Variants in RC3H2 observed in about 807,000 individuals in gnomAD.
RC3H2 encodes roquin-2.
In RC3H2, 31 loss-of-function variants were observed where a neutral mutation model predicts 133.3. That is an observed-to-expected ratio of 0.23 (90% CI 0.17 to 0.31). The LOEUF (loss-of-function observed/expected upper bound fraction) is 0.31. Ranked by LOEUF, RC3H2 falls within the 10% of genes least tolerant of loss-of-function variation. The pLI, the probability that RC3H2 is intolerant of heterozygous loss-of-function variation, is 1.00. For missense variants in RC3H2, 1,175 were observed against 1,437.2 expected (o/e 0.82, Z 2.95); for synonymous variants, 517 against 502.2 (o/e 1.03, Z -0.40).
chr9:122,883,507 A>G, intron 4 of RC3H2, 128 bp from the exon 5 acceptor site: 1 of 601,870 alleles, frequency 1.7e-6, no homozygotes, highest in Non-Finnish European at 2.7e-6. Context: ...TAATTAGCAC[A>G]AAGAGGACAT....
At chr9:122,896,479 A>C (rs968006795) in intron 2 of RC3H2, among the ~76,000 whole-genome samples, 1 of 152,260 alleles carries the variant, frequency 6.6e-6, no homozygotes, top group Admixed American at 6.5e-5. Context: ...ACTTATATAC[A>C]TAAATTTTAG....
rs866830337 is a variant in RC3H2, at chr9:122,852,746, C to T, written c.3117+1206G>A. ...CCTCTGCCCGGCCAGCCGCCCCGTCCGGGAGGGAGGTGGGGGGGTCAGCCC... is the reference window on the plus strand; with the variant it reads ...CCTCTGCCCGGCCAGCCGCCCCGTCTGGGAGGGAGGTGGGGGGGTCAGCCC... On this transcript the variant is annotated intron_variant, in intron 18 of 20. Coordinates refer to ENST00000357244, the MANE Select transcript of RC3H2 (RefSeq NM_001100588.3). Among the ~76,000 whole-genome samples the T allele has an allele frequency of 9.0e-3, 1,320 of 147,066 alleles. 8 individuals carry two copies. Among genetic ancestry groups the T allele is most frequent in the African/African-American group, 0.031 (1,221 of 39,836 alleles).
chr9:122,879,687 G>T, intron 8 of RC3H2, 68 bp downstream of exon 8: 1 of 1,048,968 alleles, frequency 9.5e-7, no homozygotes, highest in Non-Finnish European at 1.4e-6. Flanking sequence ...CAAAACAGCT[G>T]GTTAAGATGT....
Position 122,849,290 on chromosome 9 carries a change from T to C in RC3H2, c.*337A>G, listed in dbSNP as rs1020823603. The C allele has an allele frequency of 8.5e-5, 13 of 152,178 alleles. No individual in the cohort carries two copies. The highest frequency in any genetic ancestry group is 2.9e-4 in the African/African-American group (12 of 41,434). The allele number at this position is 152,178 out of a possible 1,614,324, so 9.4% of individuals were successfully genotyped here. ...AGTTTAATAACTGAGTTGTTAATTT[T>C]CTATAGAAGCCATTTAAAATAGGAA... is the stretch of plus-strand genomic sequence containing the variant. On this transcript the variant is annotated 3_prime_UTR_variant, in exon 21 of 21. Transcript: ENST00000357244.
At chr9:122,851,771 T>C (rs1483838608) in intron 18 of RC3H2, among the ~76,000 whole-genome samples, 3 of 152,244 alleles carry the variant, frequency 2.0e-5, no homozygotes, top group Admixed American at 1.3e-4. Flanking sequence ...GGTGCCGGGA[T>C]TGCAGACGGA....
chr9:122,868,513 T>C lies in RC3H2; in HGVS notation c.1326-2856A>G, dbSNP rs1830857369. Among the ~76,000 whole-genome samples, 3 of 151,946 alleles carry C rather than the reference T, an allele frequency of 2.0e-5. No individual in the cohort carries two copies. In the South Asian group the frequency reaches 6.3e-4, roughly 32 times the overall value. On this transcript the variant is annotated intron_variant, in intron 9 of 20. Transcript: ENST00000357244. The stretch of plus-strand genomic sequence containing the variant: ...TAAATGGATTAAGGGCGGTGCAAGA[T>C]GTGCTTTGTTAAACAGATGCTTGAA...
intron 1 of RC3H2, among the ~76,000 whole-genome samples, chr9:122,901,440 G>T (rs1832642606): frequency 1.3e-5 from 2 of 152,254 alleles, no homozygotes; most frequent in Non-Finnish European, 1.5e-5. Flanking sequence ...GGAGAAAAAG[G>T]AATTGAATTG....
In RC3H2 at chr9:122,905,000, A is replaced by G. The variant is rs1186019741; in HGVS notation, c.-68+110T>C. The G allele has an allele frequency of 1.3e-5, 10 of 771,716 alleles. No homozygotes were observed. The Admixed American group carries it at 6.2e-4, about 48-fold the overall frequency. The allele number at this position is 771,716 out of a possible 1,614,324, so 47.8% of individuals were successfully genotyped here. A position where few individuals can be genotyped will look rare whatever the true frequency, so the allele number is the denominator to read the frequency against. Reference sequence around the variant, plus strand: ...CTCAGTTCCCAACCCTCGAGGCACCAGGGGCGACAGCGCACAGGCCCCAGG... The same window carrying G: ...CTCAGTTCCCAACCCTCGAGGCACCGGGGGCGACAGCGCACAGGCCCCAGG... On this transcript the variant is annotated intron_variant, in intron 1 of 20. Transcript: ENST00000357244.
intron 12 of RC3H2, 127 bp downstream of exon 12, chr9:122,858,542 T>G (rs1830335268): frequency 1.5e-6 from 1 of 686,748 alleles, no homozygotes; most frequent in African/African-American, 1.8e-5. Context: ...AACTGAGGCA[T>G]AGGGAGGTCA....
At position 122,857,904 on chromosome 9, in the gene RC3H2, T is replaced by C. The variant is rs1830307249; in HGVS notation, c.2454+19A>G. On this transcript the variant is annotated intron_variant, in intron 13 of 20. Coordinates refer to ENST00000357244, the MANE Select transcript of RC3H2 (RefSeq NM_001100588.3). The stretch of plus-strand genomic sequence containing the variant: ...TTTGACCTATCCCTGCAACATTAAG[T>C]AATTAAAACCTTTCTTACATCCGCA... The C allele has an allele frequency of 6.2e-7, 1 of 1,605,610 alleles. No homozygotes were observed. Among genetic ancestry groups the C allele is most frequent in the South Asian group, 1.1e-5 (1 of 90,332 alleles).
At position 122,890,302 on chromosome 9, in the gene RC3H2, C is replaced by G; in HGVS notation, c.583+10G>C. The stretch of plus-strand genomic sequence containing the variant: ...GCTAATAAAAAAGGTAAGATAGTAA[C>G]CTATCTTACCTGGCCCTAAAAACTG... On this transcript the variant is annotated intron_variant, in intron 4 of 20. Coordinates refer to ENST00000357244, the MANE Select transcript of RC3H2 (RefSeq NM_001100588.3). 6.2e-7 allele frequency: 1 copy of G among 1,602,920 alleles called. No homozygotes were observed.
intron 18 of RC3H2, 59 bp from the exon 19 acceptor site, chr9:122,851,495 C>G: frequency 6.3e-7 from 1 of 1,578,650 alleles, no homozygotes; most frequent in Non-Finnish European, 8.6e-7. Flanking sequence ...TGGTCTCCCT[C>G]TCCCCATGGT....
chr9:122,885,865 GTTTT>G (rs1222154976), intron 4 of RC3H2, among the ~76,000 whole-genome samples: 1 of 151,820 alleles, frequency 6.6e-6, no homozygotes, highest in African/African-American at 2.4e-5. Flanking sequence ...CATTTAACGT[GTTTT>G]TTGTTTTGTT....
intron 3 of RC3H2, among the ~76,000 whole-genome samples, chr9:122,892,612 C>G (rs1020848180): frequency 6.6e-6 from 1 of 152,094 alleles, no homozygotes; most frequent in Non-Finnish European, 1.5e-5. Context: ...GGGGTTTCAC[C>G]GTGTTAGCCA....
At chr9:122,853,900 C>T in intron 18 of RC3H2, 52 bp downstream of exon 18, 1 of 1,614,208 alleles carries the variant, frequency 6.2e-7, no homozygotes, top group Non-Finnish European at 8.5e-7. Context: ...CAAGATGCAG[C>T]AGCAGAAAAC....
chr9:122,858,905 C>T lies in RC3H2; in HGVS notation c.2047G>A (p.Val683Ile), dbSNP rs758317050. Residue 683 changes from valine (V) to isoleucine (I), a missense_variant, in exon 12 of 21, where the codon GTT becomes ATT. Physicochemically the swap from Val to Ile is conservative, Grantham distance 29. This residue lies in a region of RC3H2 where 490 missense variants were observed against 492.8 expected (regional missense o/e 0.99). Coordinates refer to ENST00000357244, the MANE Select transcript of RC3H2 (RefSeq NM_001100588.3). ...TACATTCCAGAAGGTACTGGAGGAACTGGTCCATACGGCTGCGGAGGAGGA... is the reference window on the plus strand; with the variant it reads ...TACATTCCAGAAGGTACTGGAGGAATTGGTCCATACGGCTGCGGAGGAGGA... Reference protein sequence around the residue: ...QPPPPQPYGPVPPVPSGMYAP... With the variant: ...QPPPPQPYGPIPPVPSGMYAP... 1 of 1,614,122 alleles carries T rather than the reference C, an allele frequency of 6.2e-7. No individual in the cohort carries two copies. Among genetic ancestry groups the T allele is most frequent in the Non-Finnish European group, 8.5e-7 (1 of 1,180,058 alleles).
Position 122,849,669 on chromosome 9 carries a change from G to A in RC3H2, c.3534C>T (p.Asp1178=). The A allele has an allele frequency of 6.2e-7, 1 of 1,613,260 alleles. No individual in the cohort carries two copies. ...TCCCATTTGCAACAGGTTTTAAAAA[G>A]TCGTTTTTATCTTCAGACATAACAT... ...KTHVMSEDKN[D]FLKPVANGKM... The change falls in exon 21 of 21, where the codon GAC becomes GAT. Residue 1178 remains aspartate, a synonymous_variant. Transcript: ENST00000357244.
chr9:122,877,347 T>C (rs1313909106), intron 9 of RC3H2, 124 bp downstream of exon 9: 10 of 717,212 alleles, frequency 1.4e-5, no homozygotes, highest in Non-Finnish European at 2.1e-5. Flanking sequence ...ACTACAGGCA[T>C]GAGCTATGGT....
At chr9:122,899,118 T>TTC (rs1491102784) in intron 1 of RC3H2, among the ~76,000 whole-genome samples, 1 of 60,542 alleles carries the variant, frequency 1.7e-5, no homozygotes, top group African/African-American at 5.7e-5. Context: ...TTTTTTTTTT[T>TTC]CAGAGACAGA....
Sources: gnomAD v4.1 joint callset for allele counts (sites outside exome capture counted in the v4.1 genomes callset) on GRCh38, gnomAD v4.1.1 for gene constraint, gnomAD v4.1.1 regional missense constraint, MANE v1.5 for transcripts, NCBI Gene and HGNC (gene_info 2026-07-23, HGNC 2026-07-21) for gene names.